The following AP3B2 variants were observed in gnomAD, a reference collection of about 807,000 sequenced individuals.
AP3B2 encodes the protein AP-3 complex subunit beta-2.
Under a neutral mutation model 126.9 loss-of-function variants are expected in AP3B2, and 50 were observed. The ratio of observed to expected loss-of-function variants is 0.39; its 90% CI spans 0.31 to 0.50. AP3B2 has a LOEUF of 0.50. Among genes scored for constraint, AP3B2 ranks in the 20% least tolerant of loss-of-function variants. AP3B2 has a pLI of 0.79. For missense variants in AP3B2, 1,177 were observed against 1,426.4 expected (o/e 0.83, Z 2.82); for synonymous variants, 541 against 565.0 (o/e 0.96, Z 0.60).
rs778413295 is a variant in AP3B2 at position 82,659,990 on chromosome 15, G to T, written c.3017-7C>A. 6.2e-7 allele frequency: 1 copy of T among 1,613,620 alleles called. No homozygotes were observed. On this transcript the variant is annotated splice_polypyrimidine_tract_variant and splice_region_variant and intron_variant, in intron 25 of 26. Coordinates refer to ENST00000535359, the MANE Select transcript of AP3B2 (RefSeq NM_001278512.2). ...TTCATGCCCATCAGCTTTCCTGGGG[G>T]TAGAGGTCGTGATGAGGGCAGAGGC...
At chr15:82,663,380 A>G in intron 21 of AP3B2, 147 bp from the exon 22 acceptor site, 1 of 974,520 alleles carries the variant, frequency 1.0e-6, no homozygotes, top group East Asian at 2.6e-5. Flanking sequence ...ACCCATTCCT[A>G]GACCTCAACC....
At chr15:82,667,556 G>C (rs935460170) in intron 14 of AP3B2, among the ~76,000 whole-genome samples, 1 of 152,190 alleles carries the variant, frequency 6.6e-6, no homozygotes, top group Non-Finnish European at 1.5e-5. Context: ...TCTGCAGTCA[G>C]GGAAGCTACA....
Position 82,665,388 on chromosome 15 carries a change from C to CACACAT in AP3B2, c.1971+68_1971+69insATGTGT, listed in dbSNP as rs1416049341. Reference sequence around the variant, plus strand: ...GTCTGCCCCCACCAACACACACACACACACACACACACACACACACACACA... The same window carrying CACACAT: ...GTCTGCCCCCACCAACACACACACACACACATACACACACACACACACACACACACA... On this transcript the variant is annotated intron_variant, in intron 16 of 26. Transcript: ENST00000535359. The surrounding 1 kb of genome is among the most constrained non-coding windows in gnomAD (Gnocchi z 4.4). 5 of 159,256 alleles carry CACACAT rather than the reference C, an allele frequency of 3.1e-5. No homozygotes were observed. The highest frequency in any genetic ancestry group is 2.9e-4 in the African/African-American group (5 of 17,540). 9.9% of individuals were successfully genotyped at this position (159,256 alleles called of 1,614,324 possible).
At chr15:82,663,335 C>T (rs771639751) in intron 21 of AP3B2, 102 bp from the exon 22 acceptor site, 68 of 1,063,440 alleles carry the variant, frequency 6.4e-5, no homozygotes, top group Non-Finnish European at 7.2e-5. Context: ...CCATGGACAG[C>T]GGGGCACATG....
chr15:82,682,390 A>C (rs1596184119), intron 4 of AP3B2, among the ~76,000 whole-genome samples: 1 of 152,090 alleles, frequency 6.6e-6, no homozygotes, highest in African/African-American at 2.4e-5. Flanking sequence ...CATCCTATAC[A>C]GAACGTATAA....
At chr15:82,694,806 T>G (rs149365624) in intron 1 of AP3B2, among the ~76,000 whole-genome samples, 2 of 152,328 alleles carry the variant, frequency 1.3e-5, no homozygotes, top group East Asian at 3.9e-4. Context: ...GTTTCTTCTA[T>G]AGCCTCTTTC....
rs760645573 is a variant in AP3B2, at chr15:82,666,866, C to A, written c.1733G>T (p.Arg578Leu). 3.7e-6 allele frequency: 6 copies of A among 1,613,874 alleles called. No homozygotes were observed. Among genetic ancestry groups the A allele is most frequent in the Non-Finnish European group, 4.2e-6 (5 of 1,179,900 alleles). ...KYDQNYDIRD[R>L]ARFTRQLIVP... ...GATGAGCTGCCGGGTGAAGCGCGCC[C>A]GGTCGCGAATATCATAGTTCTGGTC... The change falls in exon 15 of 27, where the codon CGG becomes CTG. Residue 578 changes from arginine (R) to leucine (L), a missense_variant. Around this residue, in one of 5 missense-constraint regions of AP3B2, gnomAD observed 308 missense variants for 452.4 expected, o/e 0.68. Transcript: ENST00000535359.
At chr15:82,693,370 C>T (rs2048578250) in intron 1 of AP3B2, among the ~76,000 whole-genome samples, 1 of 151,750 alleles carries the variant, frequency 6.6e-6, no homozygotes, top group Non-Finnish European at 1.5e-5. Context: ...CCTCAGCCTC[C>T]CAAGTAGCTG....
In AP3B2 at chr15:82,691,776, G is replaced by C. The variant is rs543339858; in HGVS notation, c.114-2323C>G. 7.5e-5 allele frequency: 117 copies of C among 1,561,292 alleles called. No individual in the cohort carries two copies. The African/African-American group carries it at 1.6e-3, about 21-fold the overall frequency. The stretch of plus-strand genomic sequence containing the variant: ...TGTGGGGAACCCCGGCTTTAGTATG[G>C]AGAGTCACGGCCCCTTGACCCAAAC... On this transcript the variant is annotated intron_variant, in intron 1 of 26. Coordinates refer to ENST00000535359, the MANE Select transcript of AP3B2 (RefSeq NM_001278512.2).
rs773513637 is a variant in AP3B2 at position 82,681,481 on chromosome 15, C to T, written c.460G>A (p.Ala154Thr). The T allele has an allele frequency of 3.1e-6, 5 of 1,613,828 alleles. No individual in the cohort carries two copies. ...CGCACATAGGGTGACATGTCCGAGG[C>T]GGCTTCCTTGATAGCTAGCATCATG... ...PIMMLAIKEA[A>T]SDMSPYVRKT... The change falls in exon 5 of 27, where the codon GCC (alanine) becomes ACC (threonine). Residue 154 changes from alanine (A) to threonine (T), a missense_variant. Ala to Thr is a moderately conservative substitution (Grantham distance 58). Around this residue, in one of 5 missense-constraint regions of AP3B2, gnomAD observed 130 missense variants for 262.0 expected, o/e 0.50. Coordinates refer to ENST00000535359, the MANE Select transcript of AP3B2 (RefSeq NM_001278512.2). The surrounding 1 kb of genome is among the most constrained non-coding windows in gnomAD (Gnocchi z 4.0).
intron 4 of AP3B2, chr15:82,688,366 A>C (rs964159165): frequency 2.9e-6 from 2 of 698,268 alleles, no homozygotes; most frequent in East Asian, 5.4e-5. Flanking sequence ...GTTGAAATCT[A>C]CCTGGCTGTG....
Position 82,664,796 on chromosome 15 carries a change from G to T in AP3B2, c.2137+39C>A. 1 of 1,452,306 alleles carries T rather than the reference G, an allele frequency of 6.9e-7. No homozygotes were observed. The highest frequency in any genetic ancestry group is 1.2e-5 in the South Asian group (1 of 82,088). The allele number at this position is 1,452,306 out of a possible 1,614,324, so 90.0% of individuals were successfully genotyped here. On this transcript the variant is annotated intron_variant, in intron 18 of 26. Transcript: ENST00000535359. This position sits in a 1 kb window ranked among gnomAD's most constrained non-coding sequence, Gnocchi z 4.5. ...ATATAGTCAGTCACACAGATGCATG[G>T]GCAGAGCACAGAGGACCCCAGCTCT...
At chr15:82,677,559 T>A (rs1034514474) in intron 12 of AP3B2, 112 bp downstream of exon 12, 45 of 1,419,816 alleles carry the variant, frequency 3.2e-5, no homozygotes, top group Non-Finnish European at 3.8e-5. Flanking sequence ...GACAGACCAA[T>A]GGATACACAT....
rs58262206 is a variant in AP3B2, at chr15:82,688,452, CG to C, written c.360+283del. On this transcript the variant is annotated intron_variant, in intron 4 of 26. Transcript: ENST00000535359. Reference sequence around the variant, plus strand: ...CCATTGCTAGAGACTCTCCACTCTCCGGGGGCTCAAGTGGTTCATACTAGAA... The same window carrying C: ...CCATTGCTAGAGACTCTCCACTCTCCGGGGCTCAAGTGGTTCATACTAGAA... 5,269 of 702,188 alleles carry C rather than the reference CG, an allele frequency of 7.5e-3. 190 individuals carry two copies. The African/African-American group carries it at 0.08, about 11-fold the overall frequency. 43.5% of individuals were successfully genotyped at this position (702,188 alleles called of 1,614,324 possible). A position where few individuals can be genotyped will look rare whatever the true frequency, so the allele number is the denominator to read the frequency against.
intron 1 of AP3B2, among the ~76,000 whole-genome samples, chr15:82,690,995 A>G (rs2048522136): frequency 8.3e-6 from 1 of 120,352 alleles, no homozygotes; most frequent in Non-Finnish European, 1.9e-5. Context: ...ACATGTTCTT[A>G]ATCCAGTCTA....
intron 1 of AP3B2, among the ~76,000 whole-genome samples, chr15:82,704,024 C>G (rs935325212): frequency 6.6e-6 from 1 of 152,194 alleles, no homozygotes; most frequent in Non-Finnish European, 1.5e-5. Context: ...CTAGCCCTCC[C>G]CAACCTGCCC....
intron 4 of AP3B2, chr15:82,686,281 G>GA (rs1197108683): frequency 6.6e-6 from 1 of 152,202 alleles, no homozygotes; most frequent in Non-Finnish European, 1.5e-5. Context: ...TTCCATGAGG[G>GA]ATCTCCTAAG....
chr15:82,691,180 G>A (rs905013648), intron 1 of AP3B2, among the ~76,000 whole-genome samples: 8 of 152,132 alleles, frequency 5.3e-5, no homozygotes, highest in Non-Finnish European at 1.2e-4. Flanking sequence ...TTGAGGAATC[G>A]CCACACTGTC....
chr15:82,692,251 G>T, intron 1 of AP3B2: 1 of 932,842 alleles, frequency 1.1e-6, no homozygotes, highest in Non-Finnish European at 1.6e-6. Flanking sequence ...CCATTCTTAA[G>T]CTTGATCTTG....
Sources: allele counts gnomAD v4.1 joint callset (sites outside exome capture counted in the v4.1 genomes callset), GRCh38; gene constraint gnomAD v4.1.1; regional missense constraint gnomAD v4.1.1; non-coding constraint Gnocchi (gnomAD v3.1); transcripts MANE v1.5; gene names NCBI Gene and HGNC (gene_info 2026-07-23, HGNC 2026-07-21).